Variants in PROX2 observed in about 807,000 individuals in gnomAD.
The protein encoded by PROX2 is prospero homeobox protein 2.
A neutral mutation model predicts 48.9 loss-of-function variants in PROX2; 46 were observed. The ratio of observed to expected loss-of-function variants is 0.94; its 90% CI spans 0.74 to 1.20. The LOEUF (loss-of-function observed/expected upper bound fraction) is 1.20, where lower values mean the gene tolerates loss of function less well. PROX2 is among the 50% of genes most tolerant of loss of function. PROX2 has a pLI of 0.00. For missense variants in PROX2, 663 were observed against 719.4 expected, an observed-to-expected ratio of 0.92 and a Z score of 0.90; for synonymous variants, 260 against 276.6, an observed-to-expected ratio of 0.94 and a Z score of 0.60.
Position 74,862,824 on chromosome 14 carries a change from A to G in PROX2, c.1011T>C (p.Pro337=), listed in dbSNP as rs780332153. Residue 337 remains proline (P), a synonymous_variant, in exon 3 of 6, where the codon CCT becomes CCC. Transcript: ENST00000556489. ...DPPANFPLTA[P]SHIQENQILS... The stretch of plus-strand genomic sequence containing the variant: ...GAATCTGATTTTCCTGGATGTGGGA[A>G]GGTGCAGTCAAGGGAAAGTTTGCTG... 1 of 1,614,002 alleles carries G rather than the reference A, an allele frequency of 6.2e-7. No homozygotes were observed. The highest frequency in any genetic ancestry group is 8.5e-7 in the Non-Finnish European group (1 of 1,179,876).
At position 74,863,734 on chromosome 14, in the gene PROX2, A is replaced by C; in HGVS notation, c.101T>G (p.Leu34Arg). ...EGERSSSPPE[L>R]DRDSPFPWSQ... Reference sequence around the variant, plus strand: ...CCAGGGAAACGGGGAGTCTCTATCCAGCTCTGGAGGGGATGAGCTTCTCTC... The same window carrying C: ...CCAGGGAAACGGGGAGTCTCTATCCCGCTCTGGAGGGGATGAGCTTCTCTC... The change falls in exon 3 of 6, where the codon CTG (leucine) becomes CGG (arginine). Residue 34 changes from leucine to arginine, a missense_variant. By Grantham distance (102) the Leu-to-Arg change is moderately radical. Coordinates refer to ENST00000556489, the MANE Select transcript of PROX2 (RefSeq NM_001243007.2). 1.3e-6 allele frequency: 2 copies of C among 1,529,992 alleles called. No individual in the cohort carries two copies. The highest frequency in any genetic ancestry group is 1.8e-6 in the Non-Finnish European group (2 of 1,142,496). The allele number at this position is 1,529,992 out of a possible 1,614,324, so 94.8% of individuals were successfully genotyped here. A position where few individuals can be genotyped will look rare whatever the true frequency, so the allele number is the denominator to read the frequency against.
rs1228420727 is a variant in PROX2 at position 74,858,669 on chromosome 14, CA to C, written c.1306-156del. 2.1e-5 allele frequency: 12 copies of C among 582,652 alleles called. No homozygotes were observed. The East Asian group carries it at 3.4e-4, about 17-fold the overall frequency. The allele number at this position is 582,652 out of a possible 1,614,324, so 36.1% of individuals were successfully genotyped here. On this transcript the variant is annotated intron_variant, in intron 3 of 5. Transcript: ENST00000556489. ...TTTTTCTGTCTCTGGAAACTCTGGTCAAATAAGCTGGATGACATATGTGCAC... is the reference window on the plus strand; with the variant it reads ...TTTTTCTGTCTCTGGAAACTCTGGTCAATAAGCTGGATGACATATGTGCAC...
At position 74,863,373 on chromosome 14, in the gene PROX2, G is replaced by C; in HGVS notation, c.462C>G (p.Ala154=). 1 of 1,613,960 alleles carries C rather than the reference G, an allele frequency of 6.2e-7. No homozygotes were observed. The highest frequency in any genetic ancestry group is 1.3e-5 in the African/African-American group (1 of 75,062). Residue 154 remains alanine (A), a synonymous_variant, in exon 3 of 6, where the codon GCC becomes GCG. Coordinates refer to ENST00000556489, the MANE Select transcript of PROX2 (RefSeq NM_001243007.2). The part of the protein sequence containing the change: ...RHLQEHILQA[A]KPRDTAQGPG... ...GCCCCTGAGCTGTGTCCCTGGGCTT[G>C]GCAGCCTGTAGGATGTGCTCTTGCA...
chr14:74,859,541 G>A (rs1714178106), intron 3 of PROX2: 1 of 152,206 alleles, frequency 6.6e-6, no homozygotes. Flanking sequence ...TTTAACAAGA[G>A]TCGGAGAATT....
At position 74,858,428 on chromosome 14, in the gene PROX2, C is replaced by G. The variant is rs756660780; in HGVS notation, c.1392G>C (p.Lys464Asn). 6.3e-7 allele frequency: 1 copy of G among 1,577,394 alleles called. No homozygotes were observed. The highest frequency in any genetic ancestry group is 1.7e-4 in the Middle Eastern group (1 of 6,028). ...FTRYPSSNLLKVYFPDVQFNR... is the reference protein window; with the variant it reads ...FTRYPSSNLLNVYFPDVQFNR... Reference sequence around the variant, plus strand: ...TTACCTGAACATCAGGAAAATAAACCTTCAGGAGGTTGGAGCTGGGATATC... The same window carrying G: ...TTACCTGAACATCAGGAAAATAAACGTTCAGGAGGTTGGAGCTGGGATATC... The change falls in exon 4 of 6, where the codon AAG (lysine) becomes AAC (asparagine). Residue 464 changes from lysine to asparagine, a missense_variant. Coordinates refer to ENST00000556489, the MANE Select transcript of PROX2 (RefSeq NM_001243007.2).
chr14:74,873,133 G>A (rs1352605462), intron 1 of PROX2, among the ~76,000 whole-genome samples: 2 of 152,120 alleles, frequency 1.3e-5, no homozygotes, highest in Admixed American at 1.3e-4. Flanking sequence ...ACAGGCACGT[G>A]CCACCATGCC....
intron 2 of PROX2, among the ~76,000 whole-genome samples, chr14:74,865,803 C>G (rs1360471699): frequency 2.6e-5 from 4 of 151,920 alleles, no homozygotes; most frequent in Non-Finnish European, 5.9e-5. Flanking sequence ...TGCCCTCCAG[C>G]CTGGGCAACA....
intron 3 of PROX2, 116 bp downstream of exon 3, chr14:74,862,414 G>A: frequency 8.3e-7 from 1 of 1,207,706 alleles, no homozygotes; most frequent in East Asian, 2.4e-5. Context: ...GGCTAGTCTT[G>A]AACACCTGTC....
At position 74,863,284 on chromosome 14, in the gene PROX2, C is replaced by A; in HGVS notation, c.551G>T (p.Arg184Leu). The change falls in exon 3 of 6, where the codon CGC becomes CTC. Residue 184 changes from arginine to leucine, a missense_variant. Arg to Leu is a moderately radical substitution (Grantham distance 102, BLOSUM62 -2). Transcript: ENST00000556489. The part of the protein sequence containing the change: ...SAKQGNGCGP[R>L]PWVVDGDHQQ... Reference sequence around the variant, plus strand: ...GTGGTCACCGTCCACAACCCAGGGGCGAGGCCCACAGCCATTCCCCTGCTT... The same window carrying A: ...GTGGTCACCGTCCACAACCCAGGGGAGAGGCCCACAGCCATTCCCCTGCTT... 2 of 1,613,932 alleles carry A rather than the reference C, an allele frequency of 1.2e-6. No individual in the cohort carries two copies. The highest frequency in any genetic ancestry group is 1.1e-5 in the South Asian group (1 of 91,076).
rs1403837703 is a variant in PROX2, at chr14:74,875,999, C to T, written c.-414G>A. Reference sequence around the variant, plus strand: ...CCACTCTTCACCAGCCCTGGGCAGACAGAGCCATGGTCAGGAAGTGCTTCT... The same window carrying T: ...CCACTCTTCACCAGCCCTGGGCAGATAGAGCCATGGTCAGGAAGTGCTTCT... On this transcript the variant is annotated 5_prime_UTR_variant, in exon 1 of 6. Transcript: ENST00000556489. Among the ~76,000 whole-genome samples, 2 of 152,222 alleles carry T rather than the reference C, an allele frequency of 1.3e-5. No individual in the cohort carries two copies. The highest frequency in any genetic ancestry group is 4.8e-5 in the African/African-American group (2 of 41,456).
At chr14:74,874,871 G>A (rs547094821) in intron 1 of PROX2, among the ~76,000 whole-genome samples, 4 of 152,220 alleles carry the variant, frequency 2.6e-5, no homozygotes, top group Admixed American at 6.5e-5. Context: ...TTAGCTGGGC[G>A]GGGTGGCTCA....
In PROX2 at chr14:74,863,940, G is replaced by A; in HGVS notation, c.-106C>T. 7.7e-7 allele frequency: 1 copy of A among 1,294,506 alleles called. No individual in the cohort carries two copies. Among genetic ancestry groups the A allele is most frequent in the Non-Finnish European group, 9.8e-7 (1 of 1,017,194 alleles). The allele number at this position is 1,294,506 out of a possible 1,614,324, so 80.2% of individuals were successfully genotyped here. ...CCTCCTCTGCACTTAGAAGGGTAAA[G>A]AGCCACTGTCACTGAGGAAGGATTC... On this transcript the variant is annotated 5_prime_UTR_variant, in exon 3 of 6. Coordinates refer to ENST00000556489, the MANE Select transcript of PROX2 (RefSeq NM_001243007.2).
chr14:74,857,044 CAGAATT>C (rs1189322797), intron 4 of PROX2, 49 bp from the exon 5 acceptor site: 3 of 1,518,796 alleles, frequency 2.0e-6, no homozygotes, highest in Middle Eastern at 1.7e-4. Context: ...ACGAGGTGCT[CAGAATT>C]AGAACTGTCT....
chr14:74,865,037 T>C (rs7153740), intron 2 of PROX2, among the ~76,000 whole-genome samples: 97,407 of 150,970 alleles, frequency 0.65, 33,358 homozygotes, highest in African/African-American at 0.9. Context: ...CCCAGCTACT[T>C]GGGAGGCTGG....
At chr14:74,866,878 A>C (rs1294918047) in intron 2 of PROX2, among the ~76,000 whole-genome samples, 1 of 152,188 alleles carries the variant, frequency 6.6e-6, no homozygotes, top group East Asian at 1.9e-4. Flanking sequence ...CAGAAAGATG[A>C]AATATGTTAA....
At chr14:74,858,848 G>GTA in intron 3 of PROX2, 1 of 113,890 alleles carries the variant, frequency 8.8e-6, no homozygotes, top group Non-Finnish European at 1.6e-5. Flanking sequence ...TGTATTGTGT[G>GTA]TGTGTGTGTG....
chr14:74,855,386 C>T (rs951596332), intron 5 of PROX2, 84 bp from the exon 6 acceptor site: 4 of 1,192,776 alleles, frequency 3.4e-6, no homozygotes, highest in Non-Finnish European at 3.4e-6. Context: ...GCGGGTGCTG[C>T]CTGTTTCTTG....
Position 74,856,855 on chromosome 14 carries a change from A to G in PROX2, c.1554T>C (p.Asn518=), listed in dbSNP as rs1312230933. ...TATTGAGAGCTTGAAAAAGTTCTGA[A>G]TTGCGGAGAACCACCAGCATTTTGG... The part of the protein sequence containing the change: ...TNPKMLVVLR[N]SELFQALNMH... Residue 518 remains asparagine, a synonymous_variant, in exon 5 of 6, where the codon AAT becomes AAC. Coordinates refer to ENST00000556489, the MANE Select transcript of PROX2 (RefSeq NM_001243007.2). The G allele has an allele frequency of 9.3e-6, 15 of 1,613,892 alleles. No individual in the cohort carries two copies. Among genetic ancestry groups the G allele is most frequent in the Non-Finnish European group, 1.1e-5 (13 of 1,179,890 alleles).
chr14:74,857,101 A>G (rs1209471169), intron 4 of PROX2, 106 bp from the exon 5 acceptor site: 16 of 817,946 alleles, frequency 2.0e-5, no homozygotes, highest in Non-Finnish European at 2.7e-5. Flanking sequence ...GGCTTTAACC[A>G]GCATTAACAG....
Sources: gnomAD v4.1 joint callset for allele counts (sites outside exome capture counted in the v4.1 genomes callset) on GRCh38, gnomAD v4.1.1 for gene constraint, MANE v1.5 for transcripts, NCBI Gene and HGNC (gene_info 2026-07-23, HGNC 2026-07-21) for gene names.